Variants in VEPH1 observed in about 807,000 individuals in gnomAD.
VEPH1 encodes the protein ventricular zone-expressed PH domain-containing protein homolog 1.
VEPH1 carries 80 observed loss-of-function variants against 85.2 expected under a neutral mutation model. The observed-to-expected ratio is 0.94, with a 90% confidence interval of 0.78 to 1.13. VEPH1 has a LOEUF of 1.13. VEPH1 is among the 50% of genes most tolerant of loss of function. The probability of loss-of-function intolerance (pLI) is 0.00; values close to 1 mark genes in which losing one functional copy is unlikely to be tolerated. For synonymous variants in VEPH1, 297 were observed against 348.0 expected (o/e 0.85, Z 1.63); for missense variants, 955 against 980.5 (o/e 0.97, Z 0.35).
intron 6 of VEPH1, among the ~76,000 whole-genome samples, chr3:157,402,953 T>C (rs983641322): frequency 6.6e-6 from 1 of 152,166 alleles, no homozygotes; most frequent in Admixed American, 6.6e-5. Context: ...CTTAGAGGGC[T>C]TCAGCTCTGT....
chr3:157,467,071 C>A (rs1315735680), intron 3 of VEPH1, among the ~76,000 whole-genome samples: 2 of 150,962 alleles, frequency 1.3e-5, no homozygotes, highest in Non-Finnish European at 2.9e-5. Flanking sequence ...TAGGTTTGAG[C>A]GTAGGCCGAC....
intron 4 of VEPH1, among the ~76,000 whole-genome samples, chr3:157,442,029 CT>C (rs1175302953): frequency 6.6e-6 from 1 of 151,950 alleles, no homozygotes; most frequent in African/African-American, 2.4e-5. Context: ...AGTGATTCAA[CT>C]TTTTTAAAAA....
At chr3:157,454,085 T>C (rs1386887101) in intron 4 of VEPH1, among the ~76,000 whole-genome samples, 1 of 152,170 alleles carries the variant, frequency 6.6e-6, no homozygotes, top group Non-Finnish European at 1.5e-5. Context: ...CATAAATCTG[T>C]TATTTGCAAG....
chr3:157,446,305 G>A (rs1256515425), intron 4 of VEPH1, among the ~76,000 whole-genome samples: 1 of 151,904 alleles, frequency 6.6e-6, no homozygotes, highest in Admixed American at 6.6e-5. Flanking sequence ...TCAGTCCCAC[G>A]CAAACTGGAA....
chr3:157,451,747 C>T (rs1734985912), intron 4 of VEPH1, among the ~76,000 whole-genome samples: 1 of 152,150 alleles, frequency 6.6e-6, no homozygotes, highest in Non-Finnish European at 1.5e-5. Context: ...ACAAGAGTCT[C>T]CTGGCCCTAT....
chr3:157,503,541 G>C (rs879071852), upstream of VEPH1: 1 of 152,112 alleles, frequency 6.6e-6, no homozygotes, highest in African/African-American at 2.4e-5. Flanking sequence ...AACAATTGAC[G>C]CAAAGCTTCA....
chr3:157,373,754 G>A lies in VEPH1; in HGVS notation c.1127+7402C>T, dbSNP rs748119444. On this transcript the variant is annotated intron_variant, in intron 7 of 13. Transcript: ENST00000362010. The stretch of plus-strand genomic sequence containing the variant: ...TGAAATGGGAAGCCAGCGCATGGGT[G>A]CCTCATGAAAAGCTTTCTTTTTTTG... 3.9e-4 allele frequency among the ~76,000 whole-genome samples: 59 copies of A among 152,300 alleles called. 1 individual carries two copies. The highest frequency in any genetic ancestry group is 7.5e-4 in the Non-Finnish European group (51 of 68,022).
At chr3:157,269,408 G>GA (rs140646861) in intron 12 of VEPH1, among the ~76,000 whole-genome samples, 1 of 151,960 alleles carries the variant, frequency 6.6e-6, no homozygotes, top group Admixed American at 6.6e-5. Flanking sequence ...AGCCCTAGGG[G>GA]AAAAAAATCA....
chr3:157,301,309 A>G (rs761025960), intron 11 of VEPH1, among the ~76,000 whole-genome samples: 6 of 152,170 alleles, frequency 3.9e-5, no homozygotes, highest in Non-Finnish European at 8.8e-5. Context: ...GGGTTCTTAT[A>G]AAGAGAAACT....
chr3:157,430,494 A>G (rs912704410), intron 4 of VEPH1, among the ~76,000 whole-genome samples: 5 of 152,150 alleles, frequency 3.3e-5, no homozygotes, highest in African/African-American at 7.2e-5. Context: ...TTATGTTGTC[A>G]TTATTATTCA....
intron 10 of VEPH1, among the ~76,000 whole-genome samples, chr3:157,314,330 C>CAAAAAAAAAAAAAAAAAAAAAAAAAA (rs34703314): frequency 6.9e-5 from 3 of 43,202 alleles, no homozygotes; most frequent in South Asian, 9.9e-4. Flanking sequence ...GAGGATCCGT[C>CAAAAAAAAAAAAAAAAAAAAAAAAAA]AAAAAAAAAA....
At chr3:157,469,001 G>A (rs989738797) in intron 3 of VEPH1, among the ~76,000 whole-genome samples, 1 of 152,184 alleles carries the variant, frequency 6.6e-6, no homozygotes, top group Non-Finnish European at 1.5e-5. Flanking sequence ...CCTGCAGGGG[G>A]AGATGGATAG....
At chr3:157,442,403 G>C (rs768965769) in intron 4 of VEPH1, 5 of 1,613,536 alleles carry the variant, frequency 3.1e-6, no homozygotes, top group Non-Finnish European at 8.5e-7. Flanking sequence ...TGCGTTCCAA[G>C]AAGATTTTTG....
chr3:157,369,246 TCTC>T (rs1345452242), intron 7 of VEPH1, among the ~76,000 whole-genome samples: 2 of 137,780 alleles, frequency 1.5e-5, no homozygotes, highest in South Asian at 2.5e-4. Context: ...ACTGGCCACT[TCTC>T]CTGGCCCTTC....
At chr3:157,364,269 G>A (rs1219442644) in intron 8 of VEPH1, 34 bp downstream of exon 8, 1 of 1,482,374 alleles carries the variant, frequency 6.7e-7, no homozygotes, top group Non-Finnish European at 9.2e-7. Context: ...AACATGAAGT[G>A]TATGATTTAA....
chr3:157,498,259 G>A (rs2109776579), intron 1 of VEPH1, among the ~76,000 whole-genome samples: 1 of 152,246 alleles, frequency 6.6e-6, no homozygotes, highest in African/African-American at 2.4e-5. Context: ...AGTTCATGTT[G>A]TTTTCCTTTC....
chr3:157,337,189 TTAAA>T (rs1452102248), intron 9 of VEPH1, among the ~76,000 whole-genome samples: 1 of 150,520 alleles, frequency 6.6e-6, no homozygotes, highest in Non-Finnish European at 1.5e-5. Flanking sequence ...GAATATCCTT[TTAAA>T]TAAAGGTATT....
intron 9 of VEPH1, among the ~76,000 whole-genome samples, chr3:157,335,445 T>C (rs1489601224): frequency 2.0e-5 from 3 of 151,816 alleles, no homozygotes; most frequent in Non-Finnish European, 4.4e-5. Flanking sequence ...GGAATGTGCA[T>C]GGGATAAGGA....
intron 12 of VEPH1, among the ~76,000 whole-genome samples, chr3:157,278,302 G>T (rs1715658727): frequency 6.6e-6 from 1 of 152,214 alleles, no homozygotes; most frequent in African/African-American, 2.4e-5. Flanking sequence ...GAAGAAGGGA[G>T]AGAGGGAATT....
Sources: allele counts gnomAD v4.1 joint callset (sites outside exome capture counted in the v4.1 genomes callset), GRCh38; gene constraint gnomAD v4.1.1; transcripts MANE v1.5; gene names NCBI Gene and HGNC (gene_info 2026-07-23, HGNC 2026-07-21).